The following TCF12 variants were observed in gnomAD, a reference collection of about 807,000 sequenced individuals.
TCF12 encodes transcription factor 12.
In TCF12, 45 loss-of-function variants were observed where a neutral mutation model predicts 86.0. The observed-to-expected ratio is 0.52, with a 90% CI of 0.41 to 0.67. The LOEUF (loss-of-function observed/expected upper bound fraction) is 0.67. Among genes scored for constraint, TCF12 ranks in the 30% least tolerant of loss-of-function variants. The pLI, the probability that TCF12 is intolerant of heterozygous loss-of-function variation, is 0.00. For missense variants in TCF12, 881 were observed against 859.9 expected (o/e 1.02, Z -0.31); for synonymous variants, 330 against 299.6 (o/e 1.10, Z -1.05).
chr15:57,282,787 A>C (rs1211788241), intron 20 of TCF12, among the ~76,000 whole-genome samples, 189 bp downstream of exon 20: 2 of 152,150 alleles, frequency 1.3e-5, no homozygotes, highest in Non-Finnish European at 2.9e-5. Flanking sequence ...TTTTATAGCA[A>C]ATTGCCATTT....
intron 3 of TCF12, among the ~76,000 whole-genome samples, chr15:56,968,164 C>A (rs149952151): frequency 0.04 from 6,132 of 152,154 alleles, 370 homozygotes; most frequent in Admixed American, 0.17. Flanking sequence ...GCCATGTTTG[C>A]CAGGCTGGTC....
intron 6 of TCF12, among the ~76,000 whole-genome samples, chr15:57,182,204 A>G (rs927597963): frequency 4.6e-5 from 7 of 152,176 alleles, no homozygotes; most frequent in African/African-American, 9.6e-5. Flanking sequence ...AGAAAAATCA[A>G]TAATATGAGC....
chr15:57,115,884 G>C (rs2050803950), intron 5 of TCF12, among the ~76,000 whole-genome samples: 1 of 152,038 alleles, frequency 6.6e-6, no homozygotes, highest in Non-Finnish European at 1.5e-5. Context: ...TAAGATGAGA[G>C]AGAAGAGGAA....
intron 12 of TCF12, among the ~76,000 whole-genome samples, chr15:57,242,667 C>G (rs894716269): frequency 6.6e-6 from 1 of 151,882 alleles, no homozygotes; most frequent in African/African-American, 2.4e-5. Context: ...GACTTCATCT[C>G]AAAAAAAGTG....
intron 3 of TCF12, among the ~76,000 whole-genome samples, chr15:57,004,907 A>G (rs2064258309): frequency 6.6e-6 from 1 of 152,196 alleles, no homozygotes. Flanking sequence ...TTTTCAAGAA[A>G]ATTTAGAAAT....
intron 19 of TCF12, among the ~76,000 whole-genome samples, chr15:57,274,249 T>C (rs1307978154): frequency 2.0e-5 from 3 of 152,178 alleles, no homozygotes; most frequent in Non-Finnish European, 4.4e-5. Flanking sequence ...GAATGAGTAC[T>C]CTTTCTTAGG....
intron 3 of TCF12, among the ~76,000 whole-genome samples, chr15:57,005,809 A>G (rs1305281015): frequency 2.0e-5 from 3 of 152,156 alleles, no homozygotes; most frequent in South Asian, 2.1e-4. Context: ...ACCTCAACCC[A>G]TTCTCCTGCC....
At chr15:57,208,072 C>T (rs558197484) in intron 8 of TCF12, among the ~76,000 whole-genome samples, 1 of 147,514 alleles carries the variant, frequency 6.8e-6, no homozygotes, top group Non-Finnish European at 1.5e-5. Context: ...ATTGCTCAGT[C>T]GCTCAGGCTG....
intron 16 of TCF12, among the ~76,000 whole-genome samples, chr15:57,254,066 A>G (rs146652874): frequency 4.5e-4 from 69 of 152,342 alleles, no homozygotes; most frequent in Non-Finnish European, 8.5e-4. Context: ...TTCTGTGTTT[A>G]CCATCTTACA....
intron 5 of TCF12, among the ~76,000 whole-genome samples, chr15:57,098,472 C>T (rs2151156953): frequency 6.6e-6 from 1 of 152,180 alleles, no homozygotes; most frequent in African/African-American, 2.4e-5. Flanking sequence ...CTTTACCATG[C>T]CCTTTTTCTG....
At chr15:57,033,032 A>G (rs1402800477) in intron 3 of TCF12, among the ~76,000 whole-genome samples, 2 of 152,338 alleles carry the variant, frequency 1.3e-5, no homozygotes, top group African/African-American at 4.8e-5. Context: ...AGCAATAACT[A>G]TAACTTAAAA....
At chr15:56,927,849 G>A (rs1169103816) in intron 3 of TCF12, among the ~76,000 whole-genome samples, 1 of 152,164 alleles carries the variant, frequency 6.6e-6, no homozygotes, top group Non-Finnish European at 1.5e-5. Flanking sequence ...GACTTTGGTT[G>A]ATTATTTAAT....
chr15:57,128,706 C>T (rs926877415), intron 5 of TCF12, among the ~76,000 whole-genome samples: 1 of 152,160 alleles, frequency 6.6e-6, no homozygotes, highest in Admixed American at 6.5e-5. Context: ...CCTCCTTCAC[C>T]CATCTCCTAG....
intron 3 of TCF12, among the ~76,000 whole-genome samples, chr15:57,032,584 A>G (rs1420675841): frequency 6.6e-6 from 1 of 152,090 alleles, no homozygotes; most frequent in African/African-American, 2.4e-5. Flanking sequence ...ATATGGGACT[A>G]CAGGCATATG....
chr15:57,213,300 T>G (rs1377307040), intron 8 of TCF12, among the ~76,000 whole-genome samples: 1 of 152,244 alleles, frequency 6.6e-6, no homozygotes, highest in Admixed American at 6.5e-5. Context: ...AAGATACGTC[T>G]TTTCATAAAT....
chr15:56,954,024 C>A (rs1567158333), intron 3 of TCF12, among the ~76,000 whole-genome samples: 1 of 151,606 alleles, frequency 6.6e-6, no homozygotes, highest in Non-Finnish European at 1.5e-5. Flanking sequence ...TGAGACCTTT[C>A]TTTTTTTCTA....
At chr15:57,233,987 T>C (rs2059277513) in intron 11 of TCF12, 56 bp from the exon 12 acceptor site, 1 of 1,463,582 alleles carries the variant, frequency 6.8e-7, no homozygotes, top group African/African-American at 1.4e-5. Context: ...GGCAGAGTGC[T>C]AAAATATAAT....
intron 5 of TCF12, among the ~76,000 whole-genome samples, chr15:57,093,970 C>T (rs191425162): frequency 1.7e-4 from 26 of 152,236 alleles, no homozygotes; most frequent in Middle Eastern, 3.4e-3. Flanking sequence ...AGCTAGAGTG[C>T]GGTCGCATGA....
At chr15:57,010,549 T>C (rs1410948824) in intron 3 of TCF12, among the ~76,000 whole-genome samples, 12 of 152,152 alleles carry the variant, frequency 7.9e-5, no homozygotes, top group African/African-American at 2.9e-4. Context: ...TGGAAGAGGA[T>C]TTTTTGACTC....
Sources: allele counts gnomAD v4.1 joint callset (sites outside exome capture counted in the v4.1 genomes callset), GRCh38; gene constraint gnomAD v4.1.1; transcripts MANE v1.5; gene names NCBI Gene and HGNC (gene_info 2026-07-23, HGNC 2026-07-21).